TTC38: variants seen among roughly 807,000 people sequenced by gnomAD.
The protein encoded by TTC38 is tetratricopeptide repeat domain 38.
In TTC38, 64 loss-of-function variants were observed where a neutral mutation model predicts 64.2. The observed-to-expected ratio is 1.00, with a 90% CI of 0.81 to 1.23. The LOEUF is 1.23. Among genes scored for constraint, TTC38 ranks in the 50% most tolerant of loss-of-function variants. The pLI, the probability that TTC38 is intolerant of heterozygous loss-of-function variation, is 0.00. For missense variants in TTC38, 573 were observed against 615.5 expected, an observed-to-expected ratio of 0.93 and a Z score of 0.73; for synonymous variants, 254 against 249.3, an observed-to-expected ratio of 1.02 and a Z score of -0.18.
intron 6 of TTC38, 46 bp downstream of exon 6, chr22:46,278,707 G>A (rs371078151): frequency 6.5e-5 from 98 of 1,501,184 alleles, no homozygotes; most frequent in East Asian, 1.6e-4. Flanking sequence ...GGGAGTAGCC[G>A]TTGGCTGGAC....
chr22:46,280,205 A>G (rs1205841994), intron 6 of TTC38: 1 of 471,152 alleles, frequency 2.1e-6, no homozygotes, highest in Non-Finnish European at 4.4e-6. Context: ...AGGAGGAGCC[A>G]GGGCAGGAGC....
intron 13 of TTC38, among the ~76,000 whole-genome samples, chr22:46,290,504 G>A (rs1313670425): frequency 6.6e-6 from 1 of 151,220 alleles, no homozygotes; most frequent in East Asian, 1.9e-4. Context: ...GTGTTAGGGT[G>A]GCATGGCTGG....
At position 46,278,594 on chromosome 22, in the gene TTC38, A is replaced by G; in HGVS notation, c.548A>G (p.Lys183Arg). 1 of 1,614,008 alleles carries G rather than the reference A, an allele frequency of 6.2e-7. No individual in the cohort carries two copies. Among genetic ancestry groups the G allele is most frequent in the South Asian group, 1.1e-5 (1 of 91,078 alleles). ...TTTTTTTCTGTTTTTAGCTATGTGAAAGGCATCTACTCTTTTGGCTTGATG... is the reference window on the plus strand; with the variant it reads ...TTTTTTTCTGTTTTTAGCTATGTGAGAGGCATCTACTCTTTTGGCTTGATG... ...TPDIPLSSYV[K>R]GIYSFGLMET... Residue 183 changes from lysine (K) to arginine (R), a missense_variant, in exon 6 of 14, where the codon AAA (lysine) becomes AGA (arginine). Transcript: ENST00000381031.
chr22:46,275,355 A>T lies in TTC38; in HGVS notation c.473A>T (p.Gln158Leu). 2 of 1,614,200 alleles carry T rather than the reference A, an allele frequency of 1.2e-6. No individual in the cohort carries two copies. Among genetic ancestry groups the T allele is most frequent in the Non-Finnish European group, 1.7e-6 (2 of 1,180,016 alleles). The change falls in exon 5 of 14, where the codon CAG becomes CTG. Residue 158 changes from glutamine to leucine, a missense_variant. By Grantham distance (113) the Gln-to-Leu change is moderately radical. Transcript: ENST00000381031. The surrounding 1 kb of genome is among the most constrained non-coding windows in gnomAD (Gnocchi z 4.5). ...GATGCTTATTTTTACCTGGGCTATCAGGAACAGATGAGAGATTCTGTTGCT... is the reference window on the plus strand; with the variant it reads ...GATGCTTATTTTTACCTGGGCTATCTGGAACAGATGAGAGATTCTGTTGCT... The part of the protein sequence containing the change: ...SHDAYFYLGY[Q>L]EQMRDSVARI...
chr22:46,289,146 C>T (rs888934432), intron 11 of TTC38, among the ~76,000 whole-genome samples: 1 of 152,222 alleles, frequency 6.6e-6, no homozygotes, highest in Non-Finnish European at 1.5e-5. Context: ...CACTGTTATG[C>T]CTGCTTACAG....
Position 46,274,201 on chromosome 22 carries a change from C to T in TTC38, c.365+132C>T. 1 of 800,596 alleles carries T rather than the reference C, an allele frequency of 1.2e-6. No individual in the cohort carries two copies. Among genetic ancestry groups the T allele is most frequent in the Non-Finnish European group, 1.9e-6 (1 of 514,182 alleles). 49.6% of individuals were successfully genotyped at this position (800,596 alleles called of 1,614,324 possible). On this transcript the variant is annotated intron_variant, in intron 4 of 13. Coordinates refer to ENST00000381031, the MANE Select transcript of TTC38 (RefSeq NM_017931.4). The surrounding 1 kb of genome is among the most constrained non-coding windows in gnomAD (Gnocchi z 4.8). ...GCTTCTCTCCCTGCCTCCTGAGATG[C>T]TCTGATGGAAAATCGCATCCTGTCT...
Position 46,274,193 on chromosome 22 carries a change from C to T in TTC38, c.365+124C>T. On this transcript the variant is annotated intron_variant, in intron 4 of 13. Coordinates refer to ENST00000381031, the MANE Select transcript of TTC38 (RefSeq NM_017931.4). The surrounding 1 kb of genome is among the most constrained non-coding windows in gnomAD (Gnocchi z 4.8). Reference sequence around the variant, plus strand: ...GGGAGAATGCTTCTCTCCCTGCCTCCTGAGATGCTCTGATGGAAAATCGCA... The same window carrying T: ...GGGAGAATGCTTCTCTCCCTGCCTCTTGAGATGCTCTGATGGAAAATCGCA... 1 of 821,150 alleles carries T rather than the reference C, an allele frequency of 1.2e-6. No individual in the cohort carries two copies. The highest frequency in any genetic ancestry group is 1.7e-5 in the South Asian group (1 of 57,338). The allele number at this position is 821,150 out of a possible 1,614,324, so 50.9% of individuals were successfully genotyped here. A position where few individuals can be genotyped will look rare whatever the true frequency, so the allele number is the denominator to read the frequency against.
In TTC38 at chr22:46,275,656, A is replaced by C. The variant is rs1259163919; in HGVS notation, c.539+235A>C. On this transcript the variant is annotated intron_variant, in intron 5 of 13. Transcript: ENST00000381031. This position sits in a 1 kb window ranked among gnomAD's most constrained non-coding sequence, Gnocchi z 4.5. ...GGGATTGTTTTTGCTGCAGTAATAAACATCCCCTGGTTCTTCTTCCCCAAA... is the reference window on the plus strand; with the variant it reads ...GGGATTGTTTTTGCTGCAGTAATAACCATCCCCTGGTTCTTCTTCCCCAAA... Among the ~76,000 whole-genome samples, 3 of 152,182 alleles carry C rather than the reference A, an allele frequency of 2.0e-5. No homozygotes were observed. The highest frequency in any genetic ancestry group is 6.5e-5 in the Admixed American group (1 of 15,270).
rs1042067684 is a variant in TTC38, at chr22:46,282,695, G to A, written c.735+977G>A. On this transcript the variant is annotated intron_variant, in intron 7 of 13. Transcript: ENST00000381031. This position sits in a 1 kb window ranked among gnomAD's most constrained non-coding sequence, Gnocchi z 4.4. The stretch of plus-strand genomic sequence containing the variant: ...CTCAGGGACACTGAGGTTTGTTTGA[G>A]GTTTCTGAGTGCTGGGCACTCTAGC... Among the ~76,000 whole-genome samples the A allele has an allele frequency of 5.9e-5, 9 of 152,106 alleles. No homozygotes were observed. The highest frequency in any genetic ancestry group is 1.4e-4 in the African/African-American group (6 of 41,426).
Position 46,271,361 on chromosome 22 carries a change from C to T in TTC38, c.112-974C>T, listed in dbSNP as rs1274957647. 2.0e-5 allele frequency among the ~76,000 whole-genome samples: 3 copies of T among 151,926 alleles called. No individual in the cohort carries two copies. The highest frequency in any genetic ancestry group is 4.8e-5 in the African/African-American group (2 of 41,360). On this transcript the variant is annotated intron_variant, in intron 2 of 13. Transcript: ENST00000381031. The surrounding 1 kb of genome is among the most constrained non-coding windows in gnomAD (Gnocchi z 5.5). Reference sequence around the variant, plus strand: ...CCGAGTAGCTGGGATTACAGGCGCCCACCACCACACCCGGCTGATTTTTTG... The same window carrying T: ...CCGAGTAGCTGGGATTACAGGCGCCTACCACCACACCCGGCTGATTTTTTG...
Position 46,281,003 on chromosome 22 carries a change from G to T in TTC38, c.616-596G>T, listed in dbSNP as rs1452963875. On this transcript the variant is annotated intron_variant, in intron 6 of 13. Transcript: ENST00000381031. The surrounding 1 kb of genome is among the most constrained non-coding windows in gnomAD (Gnocchi z 5.2). ...TCATTCCATGAGTCCTGCCTGCCTC[G>T]CTGGTCGCTGTCAAGCTCACAGGTC... is the stretch of plus-strand genomic sequence containing the variant. Among the ~76,000 whole-genome samples, 1 of 152,210 alleles carries T rather than the reference G, an allele frequency of 6.6e-6. No homozygotes were observed. Among genetic ancestry groups the T allele is most frequent in the Admixed American group, 6.5e-5 (1 of 15,274 alleles).
At chr22:46,287,243 A>G in intron 10 of TTC38, 89 bp downstream of exon 10, 1 of 1,236,836 alleles carries the variant, frequency 8.1e-7, no homozygotes, top group Non-Finnish European at 1.1e-6. Context: ...GGGTTGGGCA[A>G]GAGCTCATGG....
rs1435685745 is a variant in TTC38, at chr22:46,288,539, GACC to G, written c.1034_1036del (p.Asp345_Pro346delinsAla). 6.2e-7 allele frequency: 1 copy of G among 1,613,866 alleles called. No individual in the cohort carries two copies. On this transcript the variant is annotated inframe_deletion, in exon 11 of 14. Transcript: ENST00000381031. ...CCTGATGGCATCCCTGGGTGCACAC[GACC>G]CCCAGACCACACAGGAGCTGCTGAC...
chr22:46,289,609 G>T, intron 12 of TTC38, 48 bp downstream of exon 12: 1 of 1,547,896 alleles, frequency 6.5e-7, no homozygotes, highest in Non-Finnish European at 8.7e-7. Context: ...GGGCCAGGGA[G>T]TCTGGGCGCC....
rs1183003283 is a variant in TTC38 at position 46,273,815 on chromosome 22, G to A, written c.194-83G>A. 2 of 1,448,360 alleles carry A rather than the reference G, an allele frequency of 1.4e-6. No homozygotes were observed. Among genetic ancestry groups the A allele is most frequent in the African/African-American group, 1.4e-5 (1 of 71,382 alleles). 89.7% of individuals were successfully genotyped at this position (1,448,360 alleles called of 1,614,324 possible). A position where few individuals can be genotyped will look rare whatever the true frequency, so the allele number is the denominator to read the frequency against. ...GCTGGCCCCTCCTGGGACGTGGGGT[G>A]TCTCTGTGACATGTGGAGTCTGGGC... On this transcript the variant is annotated intron_variant, in intron 3 of 13. Coordinates refer to ENST00000381031, the MANE Select transcript of TTC38 (RefSeq NM_017931.4). This position sits in a 1 kb window ranked among gnomAD's most constrained non-coding sequence, Gnocchi z 5.1.
chr22:46,269,053 T>A, intron 2 of TTC38: 1 of 392,958 alleles, frequency 2.5e-6, no homozygotes, highest in Non-Finnish European at 5.1e-6. Context: ...GTGCACTTTG[T>A]ACTGGAGGAC....
chr22:46,272,292 T>C lies in TTC38; in HGVS notation c.112-43T>C, dbSNP rs774787103. On this transcript the variant is annotated intron_variant, in intron 2 of 13. Coordinates refer to ENST00000381031, the MANE Select transcript of TTC38 (RefSeq NM_017931.4). This position sits in a 1 kb window ranked among gnomAD's most constrained non-coding sequence, Gnocchi z 6.4. ...TTTAGAGCCACCTTTGTTAGAATGA[T>C]CCAAGGGCTCCGTGAGGACTTGTTT... 3.3e-6 allele frequency: 5 copies of C among 1,537,558 alleles called. No individual in the cohort carries two copies. Among genetic ancestry groups the C allele is most frequent in the African/African-American group, 1.4e-5 (1 of 73,314 alleles).
In TTC38 at chr22:46,288,533, G is replaced by T. The variant is rs770379268; in HGVS notation, c.1027G>T (p.Ala343Ser). Residue 343 changes from alanine (A) to serine (S), a missense_variant, in exon 11 of 14, where the codon GCA becomes TCA. Ala to Ser is a moderately conservative substitution (Grantham distance 99, BLOSUM62 1). Coordinates refer to ENST00000381031, the MANE Select transcript of TTC38 (RefSeq NM_017931.4). ...ACACTTCCTGATGGCATCCCTGGGT[G>T]CACACGACCCCCAGACCACACAGGA... is the stretch of plus-strand genomic sequence containing the variant. Reference protein sequence around the residue: ...DAHFLMASLGAHDPQTTQELL... With the variant: ...DAHFLMASLGSHDPQTTQELL... The T allele has an allele frequency of 2.5e-6, 4 of 1,613,962 alleles. No homozygotes were observed. Among genetic ancestry groups the T allele is most frequent in the South Asian group, 2.2e-5 (2 of 91,080 alleles).
intron 2 of TTC38, among the ~76,000 whole-genome samples, chr22:46,269,800 G>GT (rs1936854419): frequency 6.6e-6 from 1 of 152,132 alleles, no homozygotes; most frequent in Non-Finnish European, 1.5e-5. Flanking sequence ...TACTCGATTT[G>GT]TTTTTTGTTT....
Sources: gnomAD v4.1 joint callset for allele counts (sites outside exome capture counted in the v4.1 genomes callset) on GRCh38, gnomAD v4.1.1 for gene constraint, Gnocchi (gnomAD v3.1) non-coding constraint, MANE v1.5 for transcripts, NCBI Gene and HGNC (gene_info 2026-07-23, HGNC 2026-07-21) for gene names.